SORBS2: variants seen among roughly 807,000 people sequenced by gnomAD.
SORBS2 encodes sorbin and SH3 domain-containing protein 2.
In SORBS2, 46 loss-of-function variants were observed where a neutral mutation model predicts 97.7. The ratio of observed to expected loss-of-function variants is 0.47; its 90% CI spans 0.37 to 0.60. The LOEUF (loss-of-function observed/expected upper bound fraction) is 0.60, where lower values mean the gene tolerates loss of function less well. Ranked by LOEUF, SORBS2 falls within the 20% of genes least tolerant of loss-of-function variation. The pLI is 0.00. For synonymous variants in SORBS2, 476 were observed against 473.4 expected, an observed-to-expected ratio of 1.01 and a Z score of -0.07; for missense variants, 1,316 against 1,282.3, an observed-to-expected ratio of 1.03 and a Z score of -0.40.
At chr4:185,615,480 AG>A (rs2096613371) in intron 9 of SORBS2, among the ~76,000 whole-genome samples, 1 of 152,060 alleles carries the variant, frequency 6.6e-6, no homozygotes, top group Admixed American at 6.5e-5. Flanking sequence ...GGCATTTTGA[AG>A]CTTGGAAAAA....
chr4:185,835,070 A>G (rs1159127607), intron 1 of SORBS2, among the ~76,000 whole-genome samples: 3 of 152,062 alleles, frequency 2.0e-5, no homozygotes, highest in South Asian at 4.2e-4. Context: ...GCTCCCCCCA[A>G]TCTCTCCCTA....
Position 185,938,034 on chromosome 4 carries a change from G to T in SORBS2, c.-338+18162C>A, listed in dbSNP as rs553774200. ...TTTTTTTTTTTTTTTTTTTGAGATG[G>T]GGTCTTGCTCTGTCACCCAGGCTGG... On this transcript the variant is annotated intron_variant, in intron 1 of 20. Transcript: ENST00000284776. 1.0e-4 allele frequency among the ~76,000 whole-genome samples: 15 copies of T among 146,422 alleles called. No individual in the cohort carries two copies. In the South Asian group the frequency reaches 3.3e-3, roughly 32 times the overall value.
chr4:185,686,388 T>C lies in SORBS2; in HGVS notation c.-197-7566A>G, dbSNP rs2097959607. Among the ~76,000 whole-genome samples, 2 of 152,166 alleles carry C rather than the reference T, an allele frequency of 1.3e-5. 1 individual carries two copies. Among genetic ancestry groups the C allele is most frequent in the South Asian group, 4.1e-4 (2 of 4,830 alleles). ...AGTATATGTTTAAAGTAACAATTTC[T>C]TAATGTAGAAAATCATTAAACCAGA... On this transcript the variant is annotated intron_variant, in intron 2 of 20. Transcript: ENST00000284776.
rs1554048127 is a variant in SORBS2, at chr4:185,588,587, T to TCTTCTTCCTCCTC, written c.2954-900_2954-899insGAGGAGGAAGAAG. ...TTGGCTAGGCAAGCCATTTTACGTT[T>TCTTCTTCCTCCTC]CTCCTCCCTCCTCCTCCTCCCTCCT... On this transcript the variant is annotated intron_variant, in intron 14 of 14. Coordinates refer to ENST00000418609, the Ensembl canonical transcript of SORBS2. Among the ~76,000 whole-genome samples, 58 of 122,940 alleles carry TCTTCTTCCTCCTC rather than the reference T, an allele frequency of 4.7e-4. 2 individuals carry two copies. The highest frequency in any genetic ancestry group is 2.6e-3 in the South Asian group (9 of 3,474). 80.7% of individuals were successfully genotyped at this position (122,940 alleles called of 152,430 possible). A position where few individuals can be genotyped will look rare whatever the true frequency, so the allele number is the denominator to read the frequency against.
chr4:185,884,201 A>C (rs1000263477), intron 1 of SORBS2, among the ~76,000 whole-genome samples: 5 of 152,214 alleles, frequency 3.3e-5, no homozygotes, highest in African/African-American at 1.2e-4. Context: ...TACCTCAATA[A>C]ACCTGACTAT....
At chr4:185,757,099 G>A (rs754888064) in intron 2 of SORBS2, 53 of 578,054 alleles carry the variant, frequency 9.2e-5, no homozygotes, top group African/African-American at 6.5e-4. Context: ...GTCGAACTGC[G>A]TGGAAAAGCA....
At chr4:185,717,797 A>C (rs1270012744) in intron 2 of SORBS2, among the ~76,000 whole-genome samples, 1 of 152,214 alleles carries the variant, frequency 6.6e-6, no homozygotes, top group Non-Finnish European at 1.5e-5. Context: ...TAAAAGTCAC[A>C]ATCTGGGTTT....
At chr4:185,806,662 T>TC (rs2099157829) in intron 1 of SORBS2, among the ~76,000 whole-genome samples, 1 of 151,412 alleles carries the variant, frequency 6.6e-6, no homozygotes, top group East Asian at 2.0e-4. Context: ...GTTTCACCGT[T>TC]TTAGCCGGGA....
At chr4:185,687,810 G>T (rs908613696) in intron 2 of SORBS2, among the ~76,000 whole-genome samples, 28 of 152,304 alleles carry the variant, frequency 1.8e-4, no homozygotes, top group African/African-American at 6.7e-4. Context: ...GGAACAGAAT[G>T]ATCTATTATA....
intron 2 of SORBS2, among the ~76,000 whole-genome samples, chr4:185,741,411 T>G (rs538201346): frequency 1.4e-5 from 2 of 144,956 alleles, no homozygotes; most frequent in Admixed American, 6.8e-5. Context: ...TTTGTTTTTT[T>G]TTTTTTTTTT....
chr4:185,690,630 G>A lies in SORBS2; in HGVS notation c.-197-11808C>T. ...AGTTTTCCTGTAGGAAAAAAATGGT[G>A]CATAATTGTTCACTAGCATGTGGAA... On this transcript the variant is annotated intron_variant, in intron 2 of 20. Transcript: ENST00000284776. 1.7e-6 allele frequency: 2 copies of A among 1,192,116 alleles called. No individual in the cohort carries two copies. The highest frequency in any genetic ancestry group is 2.4e-6 in the Non-Finnish European group (2 of 842,214). 73.8% of individuals were successfully genotyped at this position (1,192,116 alleles called of 1,614,324 possible).
chr4:185,761,458 C>G (rs968853597), intron 2 of SORBS2: 6 of 152,376 alleles, frequency 3.9e-5, no homozygotes, highest in Admixed American at 3.9e-4. Flanking sequence ...GCACAAAGGC[C>G]ATCACATAAA....
At position 185,623,893 on chromosome 4, in the gene SORBS2, T is replaced by G. The variant is rs1165296812; in HGVS notation, c.1236A>C (p.Thr412=). 21 of 1,613,992 alleles carry G rather than the reference T, an allele frequency of 1.3e-5. No individual in the cohort carries two copies. Among genetic ancestry groups the G allele is most frequent in the Non-Finnish European group, 1.8e-5 (21 of 1,180,014 alleles). ...TCAGCTTTTCGAATTCGGAGATGCG[T>G]GTGGGCACCATGTCCCGGGGCACCT... The change falls in exon 7 of 15, where the codon ACA becomes ACC. Residue 412 remains threonine (T), a synonymous_variant. Coordinates refer to ENST00000418609, the Ensembl canonical transcript of SORBS2. This position sits in a 1 kb window ranked among gnomAD's most constrained non-coding sequence, Gnocchi z 6.4.
chr4:185,617,856 T>A (rs960988566), intron 9 of SORBS2, among the ~76,000 whole-genome samples: 5 of 152,194 alleles, frequency 3.3e-5, no homozygotes, highest in Admixed American at 1.3e-4. Flanking sequence ...AATACAGGAA[T>A]CTTTGTACTA....
chr4:185,870,679 G>A (rs1320644327), intron 1 of SORBS2, among the ~76,000 whole-genome samples: 3 of 152,352 alleles, frequency 2.0e-5, no homozygotes, highest in South Asian at 2.1e-4. Flanking sequence ...TGCGCAGGTC[G>A]TGAGGGCTGC....
exon 12 of SORBS2, chr4:185,611,924 G>T (rs374439317): frequency 1.2e-6 from 2 of 1,613,838 alleles, no homozygotes; most frequent in Admixed American, 3.3e-5. Context: ...TGGTTCCTGG[G>T]ATTTTACCTT....
In SORBS2 at chr4:185,606,343, AC is replaced by A. The variant is rs1174338736; in HGVS notation, c.2796+5436del. ...GACTATATCAATTACAAAGACTTTTACAATATAAGTTTATGGTCCTGAAGAA... is the reference window on the plus strand; with the variant it reads ...GACTATATCAATTACAAAGACTTTTAAATATAAGTTTATGGTCCTGAAGAA... On this transcript the variant is annotated intron_variant, in intron 12 of 14. Transcript: ENST00000418609. The surrounding 1 kb of genome is among the most constrained non-coding windows in gnomAD (Gnocchi z 4.3). 7.1e-5 allele frequency: 69 copies of A among 968,574 alleles called. No homozygotes were observed. Among genetic ancestry groups the A allele is most frequent in the Non-Finnish European group, 8.2e-5 (67 of 814,790 alleles). The allele number at this position is 968,574 out of a possible 1,614,324, so 60.0% of individuals were successfully genotyped here. A position where few individuals can be genotyped will look rare whatever the true frequency, so the allele number is the denominator to read the frequency against.
chr4:185,827,258 CCAT>C (rs1561211077), intron 1 of SORBS2, among the ~76,000 whole-genome samples: 3 of 19,406 alleles, frequency 1.5e-4, no homozygotes, highest in Non-Finnish European at 2.4e-4. Context: ...ATCATCATCA[CCAT>C]CATCACCATC....
At chr4:185,838,450 G>T (rs534798336) in intron 1 of SORBS2, among the ~76,000 whole-genome samples, 175 of 152,340 alleles carry the variant, frequency 1.1e-3, no homozygotes, top group African/African-American at 4.2e-3. Context: ...TGTCTGGGGG[G>T]CTCACGGAGG....
Sources: allele counts gnomAD v4.1 joint callset (sites outside exome capture counted in the v4.1 genomes callset), GRCh38; gene constraint gnomAD v4.1.1; non-coding constraint Gnocchi (gnomAD v3.1); transcripts MANE v1.5; gene names NCBI Gene and HGNC (gene_info 2026-07-23, HGNC 2026-07-21).